Variants in FRMD6 observed in about 807,000 individuals in gnomAD.
FRMD6 encodes the protein FERM domain-containing protein 6.
FRMD6 carries 37 observed loss-of-function variants against 73.2 expected under a neutral mutation model. The ratio of observed to expected loss-of-function variants is 0.51; its 90% CI spans 0.39 to 0.66. The LOEUF (loss-of-function observed/expected upper bound fraction) is 0.66. FRMD6 is among the 30% of genes least tolerant of loss of function. FRMD6 has a pLI of 0.00. For missense variants in FRMD6, 714 were observed against 780.5 expected, an observed-to-expected ratio of 0.91 and a Z score of 1.02; for synonymous variants, 273 against 282.2, an observed-to-expected ratio of 0.97 and a Z score of 0.33.
intron 1 of FRMD6, among the ~76,000 whole-genome samples, chr14:51,659,991 C>T (rs779393052): frequency 1.1e-4 from 16 of 152,128 alleles, no homozygotes; most frequent in Non-Finnish European, 2.2e-4. Flanking sequence ...ATTACGAGCT[C>T]AGCTAAAAAA....
chr14:51,553,150 G>A (rs1050923432), intron 1 of FRMD6, among the ~76,000 whole-genome samples: 2 of 152,174 alleles, frequency 1.3e-5, no homozygotes, highest in African/African-American at 4.8e-5. Flanking sequence ...ACCTCCTCTT[G>A]GAGCTCTGTT....
At chr14:51,725,621 G>T (rs368856369) in intron 12 of FRMD6, among the ~76,000 whole-genome samples, 158 bp from the exon 13 acceptor site, 90 of 152,168 alleles carry the variant, frequency 5.9e-4, no homozygotes, top group African/African-American at 2.1e-3. Flanking sequence ...GAGTGTGTGT[G>T]CTGTTCTGGT....
At chr14:51,419,333 A>C in the FRMD6 span, among the ~76,000 whole-genome samples, 1 of 152,220 alleles carries the variant, frequency 6.6e-6, no homozygotes, top group Non-Finnish European at 1.5e-5. Flanking sequence ...TATTTTTAAT[A>C]GAGATGGGGT....
chr14:51,445,298 G>C, the FRMD6 span, among the ~76,000 whole-genome samples: 2 of 152,142 alleles, frequency 1.3e-5, no homozygotes, highest in Non-Finnish European at 2.9e-5. Flanking sequence ...TCGCCTGCCA[G>C]CTTCCCAAGT....
At chr14:51,424,596 G>A in the FRMD6 span, among the ~76,000 whole-genome samples, 1 of 152,166 alleles carries the variant, frequency 6.6e-6, no homozygotes, top group African/African-American at 2.4e-5. Context: ...CTCTTCTAAG[G>A]AGATGTGGCT....
intron 2 of FRMD6, among the ~76,000 whole-genome samples, chr14:51,627,325 T>C (rs761852563): frequency 6.6e-6 from 1 of 152,228 alleles, no homozygotes; most frequent in Non-Finnish European, 1.5e-5. Context: ...TTATGTATGT[T>C]TGTGGATGAG....
chr14:51,534,903 G>T (rs909144953), intron 1 of FRMD6, among the ~76,000 whole-genome samples: 2 of 152,222 alleles, frequency 1.3e-5, no homozygotes, highest in African/African-American at 4.8e-5. Context: ...CTCCAGTGGA[G>T]AACGCAGGGC....
chr14:51,671,719 A>G (rs777510638), intron 1 of FRMD6, among the ~76,000 whole-genome samples: 3 of 152,228 alleles, frequency 2.0e-5, no homozygotes, highest in South Asian at 4.1e-4. Flanking sequence ...CCCTAAAGAA[A>G]TCAGCAGTTG....
At chr14:51,704,498 A>C (rs1250577409) in intron 5 of FRMD6, 2 of 422,572 alleles carry the variant, frequency 4.7e-6, no homozygotes, top group Non-Finnish European at 8.5e-6. Context: ...TGAATGAATC[A>C]AATGCTGTAA....
At chr14:51,588,036 TTACTATAGTCTGTATTACTG>T (rs1175717127) in intron 2 of FRMD6, among the ~76,000 whole-genome samples, 1 of 152,218 alleles carries the variant, frequency 6.6e-6, no homozygotes, top group African/African-American at 2.4e-5. Context: ...TTCTCTAGCA[TTACTATAGTCTGTATTACTG>T]TGCTATTTCA....
At chr14:51,421,808 G>A in the FRMD6 span, among the ~76,000 whole-genome samples, 28 of 152,304 alleles carry the variant, frequency 1.8e-4, no homozygotes, top group South Asian at 5.0e-3. Flanking sequence ...TTTAAACATC[G>A]TTGGCCCACA....
At chr14:51,445,588 A>G in the FRMD6 span, among the ~76,000 whole-genome samples, 1 of 152,250 alleles carries the variant, frequency 6.6e-6, no homozygotes, top group African/African-American at 2.4e-5. Context: ...TGAGGTCCAA[A>G]AGGATTAGGA....
upstream of FRMD6, among the ~76,000 whole-genome samples, chr14:51,647,749 C>G (rs752669039): frequency 1.3e-5 from 2 of 152,178 alleles, no homozygotes; most frequent in Non-Finnish European, 2.9e-5. Flanking sequence ...TCACTGACTT[C>G]TCTCTTAGAC....
At chr14:51,541,913 A>T (rs1368305388) in intron 1 of FRMD6, among the ~76,000 whole-genome samples, 1 of 152,030 alleles carries the variant, frequency 6.6e-6, no homozygotes, top group Non-Finnish European at 1.5e-5. Flanking sequence ...GATGTCCCTG[A>T]GGCATTTTCC....
intron 2 of FRMD6, among the ~76,000 whole-genome samples, chr14:51,585,712 C>G (rs967797338): frequency 6.6e-6 from 1 of 151,174 alleles, no homozygotes; most frequent in Non-Finnish European, 1.5e-5. Context: ...CGATTCCCAC[C>G]CTCTCACCTT....
At chr14:51,442,556 C>A in the FRMD6 span, among the ~76,000 whole-genome samples, 2 of 152,174 alleles carry the variant, frequency 1.3e-5, no homozygotes, top group Non-Finnish European at 2.9e-5. Context: ...CTCTGCCTTG[C>A]TTGTCTTTAG....
At chr14:51,402,025 G>A in the FRMD6 span, among the ~76,000 whole-genome samples, 2 of 152,234 alleles carry the variant, frequency 1.3e-5, no homozygotes, top group African/African-American at 4.8e-5. Flanking sequence ...GAGTAACCAG[G>A]AAAGCTGGTA....
intron 2 of FRMD6, among the ~76,000 whole-genome samples, chr14:51,587,511 A>C (rs1889121781): frequency 6.6e-6 from 1 of 152,214 alleles, no homozygotes; most frequent in African/African-American, 2.4e-5. Flanking sequence ...TTTATTATTA[A>C]AGATTTATCA....
intron 1 of FRMD6, among the ~76,000 whole-genome samples, chr14:51,518,497 C>T (rs1223003996): frequency 6.6e-6 from 1 of 152,104 alleles, no homozygotes; most frequent in Non-Finnish European, 1.5e-5. Context: ...ACTAATGTTC[C>T]CTGTAACTTT....
Sources: allele counts gnomAD v4.1 joint callset (sites outside exome capture counted in the v4.1 genomes callset), GRCh38; gene constraint gnomAD v4.1.1; transcripts MANE v1.5; gene names NCBI Gene and HGNC (gene_info 2026-07-23, HGNC 2026-07-21).